LIMCH1: variants seen among roughly 807,000 people sequenced by gnomAD.
LIMCH1 encodes the protein LIM and calponin homology domains 1, also known as LIM and calponin homology domains-containing protein 1.
LIMCH1 carries 113 observed loss-of-function variants against 176.5 expected under a neutral mutation model. The ratio of observed to expected loss-of-function variants is 0.64; its 90% CI spans 0.55 to 0.75. LIMCH1 has a LOEUF of 0.75. LIMCH1 is among the 30% of genes least tolerant of loss of function. LIMCH1 has a pLI of 0.00. For missense variants in LIMCH1, 1,674 were observed against 1,814.9 expected (o/e 0.92, Z 1.41); for synonymous variants, 619 against 645.9 (o/e 0.96, Z 0.63).
intron 1 of LIMCH1, among the ~76,000 whole-genome samples, chr4:41,422,963 T>C (rs2060745612): frequency 6.6e-6 from 1 of 152,048 alleles, no homozygotes; most frequent in African/African-American, 2.4e-5. Flanking sequence ...TTCGCTATGT[T>C]GCTTAGGCTG....
At chr4:41,529,471 T>G (rs2077026239) in intron 3 of LIMCH1, among the ~76,000 whole-genome samples, 1 of 152,212 alleles carries the variant, frequency 6.6e-6, no homozygotes, top group Non-Finnish European at 1.5e-5. Flanking sequence ...AGGATAAAAG[T>G]GATCTGAGGA....
chr4:41,528,218 A>AAAGG (rs955858016), intron 3 of LIMCH1, among the ~76,000 whole-genome samples: 10 of 150,652 alleles, frequency 6.6e-5, no homozygotes, highest in Non-Finnish European at 1.3e-4. Flanking sequence ...AGAAGGAAGG[A>AAAGG]AAGGAAGGAA....
intron 2 of LIMCH1, among the ~76,000 whole-genome samples, chr4:41,601,745 A>T (rs2089963176): frequency 6.6e-6 from 1 of 152,192 alleles, no homozygotes; most frequent in African/African-American, 2.4e-5. Flanking sequence ...TAAGGAGTAG[A>T]GTATGGAATA....
chr4:41,490,360 G>A (rs1209675332), intron 1 of LIMCH1, among the ~76,000 whole-genome samples: 1 of 151,290 alleles, frequency 6.6e-6, no homozygotes, highest in Non-Finnish European at 1.5e-5. Flanking sequence ...GATAATAGTG[G>A]AGAGAAGGTC....
At chr4:41,382,093 G>T (rs139895416) in intron 1 of LIMCH1, among the ~76,000 whole-genome samples, 1 of 152,188 alleles carries the variant, frequency 6.6e-6, no homozygotes, top group Non-Finnish European at 1.5e-5. Flanking sequence ...GTTTCTGACC[G>T]CAGATACATG....
At position 41,620,619 on chromosome 4, in the gene LIMCH1, T is replaced by C; in HGVS notation, c.654T>C (p.Ala218=). Residue 218 remains alanine, a synonymous_variant, in exon 7 of 32, where the codon GCT becomes GCC. Coordinates refer to ENST00000503057, the MANE Select transcript of LIMCH1 (RefSeq NM_001330672.2). ...CCAAGTCTGAAGAAAAAGATGCTGC[T>C]GAGATCCAAAAGCGCAAAAGGCTAG... ...PAPKSEEKDA[A]EIQKRKRLEQ... 6.5e-7 allele frequency: 1 copy of C among 1,536,082 alleles called. No individual in the cohort carries two copies. The highest frequency in any genetic ancestry group is 8.7e-7 in the Non-Finnish European group (1 of 1,146,836).
At chr4:41,398,699 C>T (rs909128814) in intron 1 of LIMCH1, among the ~76,000 whole-genome samples, 1 of 152,074 alleles carries the variant, frequency 6.6e-6, no homozygotes, top group African/African-American at 2.4e-5. Flanking sequence ...ACCTGACAGG[C>T]CTCTGATAAT....
At chr4:41,562,316 T>C (rs1186829866) in intron 1 of LIMCH1, among the ~76,000 whole-genome samples, 2 of 152,126 alleles carry the variant, frequency 1.3e-5, no homozygotes, top group Admixed American at 6.6e-5. Flanking sequence ...CCCTTTCTAG[T>C]GTGGTGAGGA....
At chr4:41,693,675 T>C (rs1233206200) in intron 31 of LIMCH1, among the ~76,000 whole-genome samples, 1 of 152,022 alleles carries the variant, frequency 6.6e-6, no homozygotes, top group Non-Finnish European at 1.5e-5. Flanking sequence ...GGACTTTTGC[T>C]TTTATATGCT....
At position 41,632,769 on chromosome 4, in the gene LIMCH1, G is replaced by T. The variant is rs1216889398; in HGVS notation, c.1622G>T (p.Gly541Val). 2.0e-6 allele frequency: 3 copies of T among 1,536,164 alleles called. No homozygotes were observed. In the East Asian group the frequency reaches 7.3e-5, roughly 38 times the overall value. Reference sequence around the variant, plus strand: ...TGCAGAACAATGAATTGTGGCCGAGGTGACTATTGCAGAAGGGCCTCGTGG... The same window carrying T: ...TGCAGAACAATGAATTGTGGCCGAGTTGACTATTGCAGAAGGGCCTCGTGG... ...NDCRTMNCGR[G>V]DYCRRASWLA... Residue 541 changes from glycine to valine, a missense_variant, in exon 11 of 32, where the codon GGT (glycine) becomes GTT (valine). By Grantham distance (109) the Gly-to-Val change is moderately radical (BLOSUM62 -3). Transcript: ENST00000503057.
chr4:41,589,151 G>A (rs2087016743), intron 1 of LIMCH1, among the ~76,000 whole-genome samples: 1 of 152,350 alleles, frequency 6.6e-6, no homozygotes. Context: ...AGCAAAGTTT[G>A]TAAATGAAAG....
chr4:41,396,807 G>T (rs1270849559), intron 1 of LIMCH1, among the ~76,000 whole-genome samples: 2 of 151,994 alleles, frequency 1.3e-5, no homozygotes, highest in Non-Finnish European at 2.9e-5. Flanking sequence ...GGAGGGTAAG[G>T]CAGGAATCGC....
Position 41,605,932 on chromosome 4 carries a change from C to T in LIMCH1, c.-64C>T. Reference sequence around the variant, plus strand: ...TTTACTGGCTGGGAAAAGCAGCAAACAGCTGCACATCCTACAGCGGAACGA... The same window carrying T: ...TTTACTGGCTGGGAAAAGCAGCAAATAGCTGCACATCCTACAGCGGAACGA... On this transcript the variant is annotated 5_prime_UTR_variant, in exon 4 of 32. Transcript: ENST00000503057. 6.2e-7 allele frequency: 1 copy of T among 1,613,698 alleles called. No homozygotes were observed. Among genetic ancestry groups the T allele is most frequent in the Non-Finnish European group, 8.5e-7 (1 of 1,179,708 alleles).
At chr4:41,367,112 G>A (rs562084563) in intron 1 of LIMCH1, among the ~76,000 whole-genome samples, 4 of 152,168 alleles carry the variant, frequency 2.6e-5, no homozygotes, top group Admixed American at 6.5e-5. Context: ...AACCGCCCCC[G>A]TGATCCAGTC....
At chr4:41,539,436 G>T (rs1401204207) in intron 1 of LIMCH1, among the ~76,000 whole-genome samples, 1 of 152,172 alleles carries the variant, frequency 6.6e-6, no homozygotes, top group East Asian at 1.9e-4. Flanking sequence ...CTGCCTGAGG[G>T]TATGTGCCAC....
intron 2 of LIMCH1, among the ~76,000 whole-genome samples, chr4:41,600,669 TA>T (rs2089755684): frequency 6.6e-6 from 1 of 152,152 alleles, no homozygotes; most frequent in Non-Finnish European, 1.5e-5. Flanking sequence ...AAGCCCTGGT[TA>T]AGCTCCCTTC....
chr4:41,515,859 A>G (rs2075523760), intron 2 of LIMCH1, among the ~76,000 whole-genome samples: 1 of 152,192 alleles, frequency 6.6e-6, no homozygotes, highest in African/African-American at 2.4e-5. Flanking sequence ...CCAAGACTGG[A>G]TACAGAAATC....
At chr4:41,484,466 G>A (rs1185305916) in intron 1 of LIMCH1, among the ~76,000 whole-genome samples, 1 of 152,176 alleles carries the variant, frequency 6.6e-6, no homozygotes, top group Non-Finnish European at 1.5e-5. Flanking sequence ...ATCCCACAAA[G>A]GGTTTATTCC....
chr4:41,625,658 A>G (rs1208993544), intron 7 of LIMCH1, among the ~76,000 whole-genome samples: 1 of 152,106 alleles, frequency 6.6e-6, no homozygotes, highest in East Asian at 1.9e-4. Flanking sequence ...GCATATCTAA[A>G]TTGAGATCAC....
Sources: allele counts gnomAD v4.1 joint callset (sites outside exome capture counted in the v4.1 genomes callset), GRCh38; gene constraint gnomAD v4.1.1; transcripts MANE v1.5; gene names NCBI Gene and HGNC (gene_info 2026-07-23, HGNC 2026-07-21).